The following TTN variants were observed in gnomAD, a reference collection of about 807,000 sequenced individuals.
The protein encoded by TTN is connectin.
In TTN, 1,525 loss-of-function variants were observed where a neutral mutation model predicts 3,223.0. That is an observed-to-expected ratio of 0.47 (90% CI 0.45 to 0.49). TTN has a LOEUF of 0.49. Ranked by LOEUF, TTN falls within the 20% of genes least tolerant of loss-of-function variation. The pLI, the probability that TTN is intolerant of heterozygous loss-of-function variation, is 0.00. For missense variants in TTN, 40,786 were observed against 43,424.0 expected (o/e 0.94, Z 5.40); for synonymous variants, 14,094 against 15,161.0 (o/e 0.93, Z 5.17).
chr2:178,615,211 T>A, intron 259 of TTN, 96 bp downstream of exon 259: 1 of 1,432,448 alleles, frequency 7.0e-7, no homozygotes, highest in South Asian at 1.2e-5. Flanking sequence ...CATAGGATTC[T>A]CAATGAAAAA....
chr2:178,799,922 G>C lies in TTN; in HGVS notation c.584-12C>G. 6.2e-7 allele frequency: 1 copy of C among 1,613,540 alleles called. No homozygotes were observed. The highest frequency in any genetic ancestry group is 2.2e-5 in the East Asian group (1 of 44,852). On this transcript the variant is annotated splice_polypyrimidine_tract_variant and intron_variant, in intron 4 of 362. Coordinates refer to ENST00000589042, the MANE Select transcript of TTN (RefSeq NM_001267550.2). ...TACTTCTTCTTCACCTGTGGGAAGG[G>C]AAAGATGAATGTTTGGGAGGGGGCA...
In TTN at chr2:178,609,899, C is replaced by T. The variant is rs961480775; in HGVS notation, c.51524G>A (p.Gly17175Glu). 3 of 1,612,990 alleles carry T rather than the reference C, an allele frequency of 1.9e-6. No homozygotes were observed. Among genetic ancestry groups the T allele is most frequent in the Non-Finnish European group, 2.5e-6 (3 of 1,179,250 alleles). ...TITWKPPLYD[G>E]GSKIMGYIIE... ...GATGTAGCCCATTATCTTGCTCCCT[C>T]CATCATACAAAGGTGGCTTCCATGT... Residue 17175 changes from glycine to glutamate, a missense_variant, in exon 272 of 363, where the codon GGA becomes GAA. By Grantham distance (98) the Gly-to-Glu change is moderately conservative. Coordinates refer to ENST00000589042, the MANE Select transcript of TTN (RefSeq NM_001267550.2).
rs796463261 is a variant in TTN at position 178,605,612 on chromosome 2, G to C, written c.53683C>G (p.Gln17895Glu). The change falls in exon 279 of 363, where the codon CAA (glutamine) becomes GAA (glutamate). Residue 17895 changes from glutamine (Q) to glutamate (E), a missense_variant. Coordinates refer to ENST00000589042, the MANE Select transcript of TTN (RefSeq NM_001267550.2). Reference protein sequence around the residue: ...EPRSNGGSPIQGYIIEKRRHD... With the variant: ...EPRSNGGSPIEGYIIEKRRHD... The stretch of plus-strand genomic sequence containing the variant: ...CGCCGTTTTTCAATGATATATCCTT[G>C]GATGGGACTGCCACCATTACTGCGG... 2 of 1,605,514 alleles carry C rather than the reference G, an allele frequency of 1.2e-6. No homozygotes were observed. The highest frequency in any genetic ancestry group is 1.7e-6 in the Non-Finnish European group (2 of 1,175,020).
intron 129 of TTN, 81 bp from the exon 130 acceptor site, chr2:178,685,070 T>C: frequency 7.9e-7 from 1 of 1,273,768 alleles, no homozygotes; most frequent in East Asian, 2.5e-5. Flanking sequence ...ATTCACTTTT[T>C]GAAAAGATTG....
Position 178,595,531 on chromosome 2 carries a change from C to T in TTN, c.57823G>A (p.Ala19275Thr). Residue 19275 changes from alanine (A) to threonine (T), a missense_variant, in exon 295 of 363, where the codon GCA becomes ACA. Coordinates refer to ENST00000589042, the MANE Select transcript of TTN (RefSeq NM_001267550.2). ...GMGPFVETSEALVIREPITVP... is the reference protein window; with the variant it reads ...GMGPFVETSETLVIREPITVP... ...CTTATTGGCTCTCTGATAACAAGTG[C>T]CTCTGATGTCTCAACAAATGGACCC... The T allele has an allele frequency of 2.6e-6, 4 of 1,560,884 alleles. No homozygotes were observed. Among genetic ancestry groups the T allele is most frequent in the South Asian group, 1.2e-5 (1 of 84,688 alleles).
In TTN at chr2:178,613,832, C is replaced by G. The variant is rs963478586; in HGVS notation, c.49451G>C (p.Gly16484Ala). ...AGGATCCAGTCTTTCAACCCAGTAT[C>G]CTGTGATTGGGCTGCCACCATCATC... is the stretch of plus-strand genomic sequence containing the variant. Reference protein sequence around the residue: ...PDDDGGSPITGYWVERLDPDT... With the variant: ...PDDDGGSPITAYWVERLDPDT... The change falls in exon 263 of 363, where the codon GGA (glycine) becomes GCA (alanine). Residue 16484 changes from glycine (G) to alanine (A), a missense_variant. Coordinates refer to ENST00000589042, the MANE Select transcript of TTN (RefSeq NM_001267550.2). 1 of 1,612,474 alleles carries G rather than the reference C, an allele frequency of 6.2e-7. No individual in the cohort carries two copies. The highest frequency in any genetic ancestry group is 8.5e-7 in the Non-Finnish European group (1 of 1,179,096).
chr2:178,695,851 C>A lies in TTN; in HGVS notation c.31207+14G>T. Reference sequence around the variant, plus strand: ...GAAGAAAAGAGGGAAACAAGTCATTCAGTTTATACATACCTTCATAGACCT... The same window carrying A: ...GAAGAAAAGAGGGAAACAAGTCATTAAGTTTATACATACCTTCATAGACCT... On this transcript the variant is annotated intron_variant, in intron 114 of 362. Transcript: ENST00000589042. 1 of 1,373,662 alleles carries A rather than the reference C, an allele frequency of 7.3e-7. No individual in the cohort carries two copies. The highest frequency in any genetic ancestry group is 2.2e-5 in the South Asian group (1 of 46,304). 85.1% of individuals were successfully genotyped at this position (1,373,662 alleles called of 1,614,324 possible).
chr2:178,748,920 C>T, intron 47 of TTN: 2 of 1,612,446 alleles, frequency 1.2e-6, no homozygotes, highest in Non-Finnish European at 1.7e-6. Flanking sequence ...AATGAAAAGG[C>T]TTTGTCATCA....
In TTN at chr2:178,672,070, C is replaced by G; in HGVS notation, c.35128G>C (p.Val11710Leu). 1 of 1,612,120 alleles carries G rather than the reference C, an allele frequency of 6.2e-7. No individual in the cohort carries two copies. The highest frequency in any genetic ancestry group is 8.5e-7 in the Non-Finnish European group (1 of 1,179,050). ...TTTTCAACTCTGTGTTCTTCTTCAA[C>G]TCTATGTTGTTCTAATTTGATGAAT... ...EEFIKLEQHR[V>L]EEEHRVEKVH... is the part of the protein sequence containing the mutation. The change falls in exon 155 of 363, where the codon GTT becomes CTT. Residue 11710 changes from valine to leucine, a missense_variant. By Grantham distance (32) the Val-to-Leu change is conservative (BLOSUM62 1). Coordinates refer to ENST00000589042, the MANE Select transcript of TTN (RefSeq NM_001267550.2).
At chr2:178,629,156 C>G in intron 240 of TTN, 145 bp downstream of exon 240, 1 of 1,150,542 alleles carries the variant, frequency 8.7e-7, no homozygotes, top group Non-Finnish European at 1.2e-6. Flanking sequence ...TTTACAGTTT[C>G]AGCAGAAATC....
rs1213190093 is a variant in TTN, at chr2:178,601,512, A to C, written c.55485T>G (p.Ser18495Arg). The C allele has an allele frequency of 6.2e-7, 1 of 1,612,964 alleles. No individual in the cohort carries two copies. Among genetic ancestry groups the C allele is most frequent in the Non-Finnish European group, 8.5e-7 (1 of 1,179,262 alleles). The change falls in exon 287 of 363, where the codon AGT (serine) becomes AGG (arginine). Residue 18495 changes from serine to arginine, a missense_variant. Physicochemically the swap from Ser to Arg is moderately radical, Grantham distance 110. Coordinates refer to ENST00000589042, the MANE Select transcript of TTN (RefSeq NM_001267550.2). Reference sequence around the variant, plus strand: ...CTGGCATCTTCCATGAAAGTCTGCAACTACCCCTTGTGATATCACTGACTT... The same window carrying C: ...CTGGCATCTTCCATGAAAGTCTGCACCTACCCCTTGTGATATCACTGACTT... ...DLKVSDITRG[S>R]CRLSWKMPDD...
chr2:178,553,329 T>C lies in TTN; in HGVS notation c.89571A>G (p.Val29857=). 6.2e-7 allele frequency: 1 copy of C among 1,604,662 alleles called. No individual in the cohort carries two copies. Among genetic ancestry groups the C allele is most frequent in the Non-Finnish European group, 8.5e-7 (1 of 1,178,512 alleles). Residue 29857 remains valine, a synonymous_variant, in exon 335 of 363, where the codon GTA becomes GTG. Coordinates refer to ENST00000589042, the MANE Select transcript of TTN (RefSeq NM_001267550.2). ...TGCCTTTAAAGGGAATCAACACTTGTACATCTTCACCAGCTTTGGCAATAA... is the reference window on the plus strand; with the variant it reads ...TGCCTTTAAAGGGAATCAACACTTGCACATCTTCACCAGCTTTGGCAATAA... ...TSVIAKAGED[V]QVLIPFKGRP... is the part of the protein sequence containing the mutation.
At chr2:178,793,371 C>T in intron 9 of TTN, 33 bp downstream of exon 9, 1 of 1,612,358 alleles carries the variant, frequency 6.2e-7, no homozygotes. Context: ...CTGTAAGAAC[C>T]TCAGTGAATT....
rs727504982 is a variant in TTN, at chr2:178,568,070, G to C, written c.78062C>G (p.Pro26021Arg). 3.1e-6 allele frequency: 5 copies of C among 1,613,276 alleles called. No individual in the cohort carries two copies. The highest frequency in any genetic ancestry group is 2.5e-6 in the Non-Finnish European group (3 of 1,179,560). ...TCTCTCCAGGTGGTAACCTATGACG[G>C]GGCTTCCACCATTGTTGACTGGTTC... ...WHEPVNNGGS[P>R]VIGYHLERKE... The change falls in exon 326 of 363, where the codon CCC becomes CGC. Residue 26021 changes from proline (P) to arginine (R), a missense_variant. Coordinates refer to ENST00000589042, the MANE Select transcript of TTN (RefSeq NM_001267550.2).
rs1399685227 is a variant in TTN at position 178,607,606 on chromosome 2, A to C, written c.53082T>G (p.Ala17694=). ...IMAGKTLRIP[A]VVTGRPVPTK... ...TAGGTACAGGGCGACCAGTCACCAC[A>C]GCTGGAATTCTAAGAGTCTTCCCAG... Residue 17694 remains alanine (A), a synonymous_variant, in exon 277 of 363, where the codon GCT becomes GCG. Transcript: ENST00000589042. The C allele has an allele frequency of 6.2e-7, 1 of 1,613,168 alleles. No homozygotes were observed. Among genetic ancestry groups the C allele is most frequent in the Non-Finnish European group, 8.5e-7 (1 of 1,179,392 alleles).
rs1462587732 is a variant in TTN at position 178,548,969 on chromosome 2, A to G, written c.92657T>C (p.Leu30886Pro). ...GAATTTGTATTCTTCACCTGCTTGT[A>G]GATCAGTGACTGTATATCTTGTTTT... Reference protein sequence around the residue: ...CVKTRYTVTDLQAGEEYKFRV... With the variant: ...CVKTRYTVTDPQAGEEYKFRV... Residue 30886 changes from leucine to proline, a missense_variant, in exon 339 of 363, where the codon CTA becomes CCA. Leu to Pro is a moderately conservative substitution (Grantham distance 98). Coordinates refer to ENST00000589042, the MANE Select transcript of TTN (RefSeq NM_001267550.2). The surrounding 1 kb of genome is among the most constrained non-coding windows in gnomAD (Gnocchi z 4.3). 1 of 1,613,788 alleles carries G rather than the reference A, an allele frequency of 6.2e-7. No homozygotes were observed. The highest frequency in any genetic ancestry group is 2.2e-5 in the East Asian group (1 of 44,884).
chr2:178,745,757 T>A, intron 47 of TTN: 1 of 1,613,046 alleles, frequency 6.2e-7, no homozygotes, highest in Non-Finnish European at 8.5e-7. Flanking sequence ...TCCATCTTTG[T>A]ACCAGTAAAC....
chr2:178,575,238 C>T lies in TTN; in HGVS notation c.70894G>A (p.Glu23632Lys), dbSNP rs1030878759. 3.1e-6 allele frequency: 5 copies of T among 1,613,118 alleles called. No homozygotes were observed. In the South Asian group the frequency reaches 3.3e-5, roughly 11 times the overall value. Reference sequence around the variant, plus strand: ...TGATAGATGCCACGGAGATCCAGCTCTGGAAGCATTGTCTGCTCCTTGACA... The same window carrying T: ...TGATAGATGCCACGGAGATCCAGCTTTGGAAGCATTGTCTGCTCCTTGACA... ...VIVKEQTMLP[E>K]LDLRGIYQKL... Residue 23632 changes from glutamate (E) to lysine (K), a missense_variant, in exon 326 of 363, where the codon GAG becomes AAG. By Grantham distance (56) the Glu-to-Lys change is moderately conservative. Transcript: ENST00000589042. This position sits in a 1 kb window ranked among gnomAD's most constrained non-coding sequence, Gnocchi z 4.0.
In TTN at chr2:178,555,169, T is replaced by G; in HGVS notation, c.88307-17A>C. On this transcript the variant is annotated splice_polypyrimidine_tract_variant and intron_variant, in intron 330 of 362. Coordinates refer to ENST00000589042, the MANE Select transcript of TTN (RefSeq NM_001267550.2). ...CAGGACCACCTGCAAGAAAAACAGA[T>G]GAGAAATATTTAAAATATTATAAGG... 1 of 1,592,240 alleles carries G rather than the reference T, an allele frequency of 6.3e-7. No individual in the cohort carries two copies. The highest frequency in any genetic ancestry group is 8.5e-7 in the Non-Finnish European group (1 of 1,174,102).
Sources: allele counts gnomAD v4.1 joint callset, GRCh38; gene constraint gnomAD v4.1.1; non-coding constraint Gnocchi (gnomAD v3.1); transcripts MANE v1.5; gene names NCBI Gene and HGNC (gene_info 2026-07-23, HGNC 2026-07-21).